The following VSTM4 variants were observed in gnomAD, a reference collection of about 807,000 sequenced individuals.
VSTM4 encodes V-set and transmembrane domain-containing protein 4.
VSTM4 carries 20 observed loss-of-function variants against 36.4 expected under a neutral mutation model. That is an observed-to-expected ratio of 0.55 (90% CI 0.39 to 0.80). VSTM4 has a LOEUF of 0.80. VSTM4 is among the 30% of genes least tolerant of loss of function. VSTM4 has a pLI of 0.00. For missense variants in VSTM4, 392 were observed against 404.5 expected, an observed-to-expected ratio of 0.97 and a Z score of 0.26; for synonymous variants, 182 against 173.9, an observed-to-expected ratio of 1.05 and a Z score of -0.37.
intron 1 of VSTM4, among the ~76,000 whole-genome samples, chr10:49,113,862 G>A (rs532074051): frequency 3.9e-5 from 6 of 152,276 alleles, no homozygotes. Context: ...ACAAGCAGGA[G>A]CTCTTATCAT....
intron 3 of VSTM4, among the ~76,000 whole-genome samples, chr10:49,081,564 C>T (rs984108762): frequency 3.9e-5 from 6 of 152,256 alleles, no homozygotes; most frequent in Non-Finnish European, 7.3e-5. Flanking sequence ...TTGGGGCACA[C>T]TCTGCCCAGG....
intron 7 of VSTM4, among the ~76,000 whole-genome samples, chr10:49,041,634 A>T (rs1843523213): frequency 6.6e-6 from 1 of 152,196 alleles, no homozygotes; most frequent in African/African-American, 2.4e-5. Context: ...TTTTGCACCC[A>T]AGAGGTGCAC....
intron 2 of VSTM4, among the ~76,000 whole-genome samples, chr10:49,104,900 CACAG>C (rs1168347634): frequency 1.5e-5 from 2 of 135,276 alleles, no homozygotes; most frequent in Admixed American, 1.4e-4. Flanking sequence ...GAGAGAGAGA[CACAG>C]AGAGAGAGAG....
chr10:49,035,283 C>G lies in VSTM4; in HGVS notation c.837+11700G>C, dbSNP rs182547284. Among the ~76,000 whole-genome samples, 285 of 152,274 alleles carry G rather than the reference C, an allele frequency of 1.9e-3. 3 individuals carry two copies. Among genetic ancestry groups the G allele is most frequent in the South Asian group, 0.017 (84 of 4,822 alleles). ...TGGCACCTTGCCCCCTGCCTATCAG[C>G]GCTCAACAATTATTGGGGAATGAAT... On this transcript the variant is annotated intron_variant, in intron 7 of 7. Coordinates refer to ENST00000332853, the MANE Select transcript of VSTM4 (RefSeq NM_001031746.5).
chr10:49,034,245 C>T (rs1843393678), intron 7 of VSTM4, among the ~76,000 whole-genome samples: 1 of 152,160 alleles, frequency 6.6e-6, no homozygotes, highest in African/African-American at 2.4e-5. Flanking sequence ...TCACCACTAT[C>T]ATCACCATCA....
chr10:49,065,694 A>G (rs987099888), intron 4 of VSTM4, among the ~76,000 whole-genome samples: 1 of 152,220 alleles, frequency 6.6e-6, no homozygotes, highest in African/African-American at 2.4e-5. Flanking sequence ...AGCTGCATGA[A>G]TGACTCCAGC....
intron 7 of VSTM4, among the ~76,000 whole-genome samples, chr10:49,031,067 G>C (rs891835342): frequency 6.6e-6 from 1 of 152,170 alleles, no homozygotes; most frequent in African/African-American, 2.4e-5. Context: ...CTATTCAAGA[G>C]GATGCTTTTG....
At chr10:49,097,909 G>C (rs1433975977) in intron 2 of VSTM4, among the ~76,000 whole-genome samples, 1 of 152,150 alleles carries the variant, frequency 6.6e-6, no homozygotes, top group African/African-American at 2.4e-5. Context: ...TTGTTTGTTT[G>C]CGTGTGTTCT....
In VSTM4 at chr10:49,042,721, G is replaced by A. The variant is rs79074699; in HGVS notation, c.837+4262C>T. ...AGAATCATAAACAAATATCCATTGCGCTAAACACATTTCTAAACATGAAGA... is the reference window on the plus strand; with the variant it reads ...AGAATCATAAACAAATATCCATTGCACTAAACACATTTCTAAACATGAAGA... On this transcript the variant is annotated intron_variant, in intron 7 of 7. Transcript: ENST00000332853. 2.9e-4 allele frequency among the ~76,000 whole-genome samples: 44 copies of A among 152,274 alleles called. No homozygotes were observed. In the East Asian group the frequency reaches 5.2e-3, roughly 18 times the overall value.
intron 2 of VSTM4, among the ~76,000 whole-genome samples, chr10:49,092,267 C>T (rs951651157): frequency 2.6e-5 from 4 of 152,196 alleles, no homozygotes; most frequent in African/African-American, 4.8e-5. Context: ...AGAGGGAGTT[C>T]ACCTCTCAGG....
intron 7 of VSTM4, among the ~76,000 whole-genome samples, chr10:49,030,235 C>G (rs567169982): frequency 9.8e-5 from 15 of 152,330 alleles, no homozygotes; most frequent in Non-Finnish European, 2.2e-4. Context: ...GCCACTGGTC[C>G]ACTGGGACCT....
intron 7 of VSTM4, 60 bp downstream of exon 7, chr10:49,046,922 TG>T: frequency 6.5e-7 from 1 of 1,527,928 alleles, no homozygotes; most frequent in East Asian, 2.3e-5. Flanking sequence ...GGCACTGTTT[TG>T]GAATCTGAGT....
intron 4 of VSTM4, among the ~76,000 whole-genome samples, chr10:49,072,339 A>G (rs972122351): frequency 2.6e-5 from 4 of 152,134 alleles, no homozygotes; most frequent in African/African-American, 9.7e-5. Context: ...GCTCCTCAGG[A>G]ACCAGCTGGT....
chr10:49,092,742 A>T (rs1040011233), intron 2 of VSTM4, among the ~76,000 whole-genome samples: 4 of 152,180 alleles, frequency 2.6e-5, no homozygotes, highest in African/African-American at 9.7e-5. Context: ...GCCTATAAAA[A>T]GTTGAGAACC....
intron 1 of VSTM4, among the ~76,000 whole-genome samples, chr10:49,108,976 A>C (rs1844843739): frequency 1.3e-5 from 2 of 152,206 alleles, no homozygotes; most frequent in South Asian, 4.1e-4. Flanking sequence ...CTCACAGCAC[A>C]GCCCTCTGGC....
At position 49,048,590 on chromosome 10, in the gene VSTM4, G is replaced by C; in HGVS notation, c.669-6C>G. ...TAGTGACAGTCTCCCCTGAGCTGTA[G>C]AAGAAAAAGTTTCCAGTGAAACCAA... On this transcript the variant is annotated splice_region_variant and splice_polypyrimidine_tract_variant and intron_variant, in intron 5 of 7. Transcript: ENST00000332853. 1 of 1,564,960 alleles carries C rather than the reference G, an allele frequency of 6.4e-7. No homozygotes were observed. Among genetic ancestry groups the C allele is most frequent in the Non-Finnish European group, 8.6e-7 (1 of 1,164,216 alleles).
chr10:49,075,237 T>C (rs1210653061), intron 4 of VSTM4, among the ~76,000 whole-genome samples: 1 of 152,204 alleles, frequency 6.6e-6, no homozygotes, highest in African/African-American at 2.4e-5. Flanking sequence ...CCCTTCTTTG[T>C]TTCCCTGATC....
chr10:49,098,347 C>T (rs376000527), intron 2 of VSTM4, among the ~76,000 whole-genome samples: 20 of 152,340 alleles, frequency 1.3e-4, no homozygotes, highest in African/African-American at 4.6e-4. Flanking sequence ...AAAGCTGCTA[C>T]ACATATTTAC....
intron 7 of VSTM4, among the ~76,000 whole-genome samples, chr10:49,027,782 T>C (rs1047255892): frequency 2.0e-5 from 3 of 152,252 alleles, no homozygotes; most frequent in Non-Finnish European, 2.9e-5. Context: ...GATTGTCTGC[T>C]CCTCTCTGTT....
Sources: allele counts gnomAD v4.1 joint callset (sites outside exome capture counted in the v4.1 genomes callset), GRCh38; gene constraint gnomAD v4.1.1; transcripts MANE v1.5; gene names NCBI Gene and HGNC (gene_info 2026-07-23, HGNC 2026-07-21).